The following FOXK1 variants were observed in gnomAD, a reference collection of about 807,000 sequenced individuals.
FOXK1 encodes forkhead box protein K1.
A neutral mutation model predicts 51.9 loss-of-function variants in FOXK1; 19 were observed. The ratio of observed to expected loss-of-function variants is 0.37; its 90% CI spans 0.26 to 0.54. The LOEUF (loss-of-function observed/expected upper bound fraction) is 0.54, where lower values mean the gene tolerates loss of function less well. FOXK1 is among the 20% of genes least tolerant of loss of function. FOXK1 has a pLI of 0.87. For missense variants in FOXK1, 870 were observed against 1,032.7 expected, an observed-to-expected ratio of 0.84 and a Z score of 2.16; for synonymous variants, 537 against 482.6, an observed-to-expected ratio of 1.11 and a Z score of -1.48.
intron 2 of FOXK1, among the ~76,000 whole-genome samples, chr7:4,746,661 C>T (rs1305907019): frequency 1.3e-5 from 2 of 152,318 alleles, no homozygotes; most frequent in East Asian, 3.9e-4. Flanking sequence ...GCACTCCAAC[C>T]TGGGCAACAG....
chr7:4,770,916 C>G lies in FOXK1; in HGVS notation c.*8452C>G, dbSNP rs1215943275. 1 of 139,718 alleles carries G rather than the reference C, an allele frequency of 7.2e-6. No individual in the cohort carries two copies. The highest frequency in any genetic ancestry group is 2.9e-5 in the African/African-American group (1 of 34,684). The allele number at this position is 139,718 out of a possible 1,614,324, so 8.7% of individuals were successfully genotyped here. ...GTGTGTGTGTGTATTTTTTTTTTTA[C>G]AGTGGCGCCTGTCTAAAGTATTTTT... On this transcript the variant is annotated 3_prime_UTR_variant, in exon 9 of 9. Coordinates refer to ENST00000328914, the MANE Select transcript of FOXK1 (RefSeq NM_001037165.2).
At chr7:4,704,448 C>T (rs770918240) in intron 1 of FOXK1, among the ~76,000 whole-genome samples, 27 of 108,358 alleles carry the variant, frequency 2.5e-4, no homozygotes, top group Non-Finnish European at 2.6e-4. Context: ...GAGACTCTGT[C>T]TCAAAAAAAA....
At chr7:4,752,560 G>A (rs960507968) in intron 2 of FOXK1, among the ~76,000 whole-genome samples, 3 of 152,230 alleles carry the variant, frequency 2.0e-5, no homozygotes, top group African/African-American at 4.8e-5. Context: ...GCCCCTCATT[G>A]GTCCTCAGGA....
chr7:4,715,076 C>T lies in FOXK1; in HGVS notation c.561-25762C>T, dbSNP rs980277892. Among the ~76,000 whole-genome samples, 1 of 152,022 alleles carries T rather than the reference C, an allele frequency of 6.6e-6. No homozygotes were observed. Among genetic ancestry groups the T allele is most frequent in the African/African-American group, 2.4e-5 (1 of 41,340 alleles). Reference sequence around the variant, plus strand: ...GTAGCTTTTCTGATCAGATGAGTTTCACGGCTTTAGTACAGAAAATATTCA... The same window carrying T: ...GTAGCTTTTCTGATCAGATGAGTTTTACGGCTTTAGTACAGAAAATATTCA... On this transcript the variant is annotated intron_variant, in intron 1 of 8. Transcript: ENST00000328914. The surrounding 1 kb of genome is among the most constrained non-coding windows in gnomAD (Gnocchi z 4.5).
Position 4,723,668 on chromosome 7 carries a change from A to G in FOXK1, c.561-17170A>G, listed in dbSNP as rs997148916. On this transcript the variant is annotated intron_variant, in intron 1 of 8. Coordinates refer to ENST00000328914, the MANE Select transcript of FOXK1 (RefSeq NM_001037165.2). This position sits in a 1 kb window ranked among gnomAD's most constrained non-coding sequence, Gnocchi z 4.7. Reference sequence around the variant, plus strand: ...TTTCCTTTCTCTCAAAACAGTTACTACCAATGTTTGTTTATTTGAGATAGG... The same window carrying G: ...TTTCCTTTCTCTCAAAACAGTTACTGCCAATGTTTGTTTATTTGAGATAGG... 2.0e-5 allele frequency among the ~76,000 whole-genome samples: 3 copies of G among 152,116 alleles called. No homozygotes were observed. Among genetic ancestry groups the G allele is most frequent in the East Asian group, 1.9e-4 (1 of 5,172 alleles).
chr7:4,749,218 G>A lies in FOXK1; in HGVS notation c.747-5241G>A, dbSNP rs1203056119. ...GCTGTTCTTACTGTCCTACAGAGAC[G>A]GCATCGTTACCTCCCTAGGGACGGG... On this transcript the variant is annotated intron_variant, in intron 2 of 8. Transcript: ENST00000328914. This position sits in a 1 kb window ranked among gnomAD's most constrained non-coding sequence, Gnocchi z 6.0. Among the ~76,000 whole-genome samples the A allele has an allele frequency of 2.1e-4, 32 of 152,134 alleles. No homozygotes were observed. Among genetic ancestry groups the A allele is most frequent in the East Asian group, 1.9e-4 (1 of 5,188 alleles).
intron 2 of FOXK1, among the ~76,000 whole-genome samples, chr7:4,750,330 T>G (rs1268394598): frequency 6.6e-6 from 1 of 152,118 alleles, no homozygotes; most frequent in Non-Finnish European, 1.5e-5. Flanking sequence ...ATTCCCTGTT[T>G]CCTGGAATTG....
chr7:4,737,336 A>G (rs1413451193), intron 1 of FOXK1, among the ~76,000 whole-genome samples: 1 of 152,236 alleles, frequency 6.6e-6, no homozygotes, highest in Non-Finnish European at 1.5e-5. Context: ...GGAACTGGAG[A>G]AAAGAGACAA....
intron 1 of FOXK1, among the ~76,000 whole-genome samples, chr7:4,705,950 A>G (rs1253629182): frequency 1.5e-5 from 2 of 129,608 alleles, no homozygotes; most frequent in Non-Finnish European, 3.1e-5. Context: ...TCAAAATTAT[A>G]TATATATATG....
At position 4,756,447 on chromosome 7, in the gene FOXK1, C is replaced by T. The variant is rs186300927; in HGVS notation, c.1051-547C>T. Among the ~76,000 whole-genome samples, 2 of 151,676 alleles carry T rather than the reference C, an allele frequency of 1.3e-5. No homozygotes were observed. Among genetic ancestry groups the T allele is most frequent in the East Asian group, 2.0e-4 (1 of 5,062 alleles). ...CAGTGTTTTCTTTCTCCCAGATGTG[C>T]TCCTAGACCAGGATCTGTCTTTCTG... is the stretch of plus-strand genomic sequence containing the variant. On this transcript the variant is annotated intron_variant, in intron 4 of 8. Coordinates refer to ENST00000328914, the MANE Select transcript of FOXK1 (RefSeq NM_001037165.2). This position sits in a 1 kb window ranked among gnomAD's most constrained non-coding sequence, Gnocchi z 4.1.
chr7:4,754,276 C>T (rs534269562), intron 2 of FOXK1, among the ~76,000 whole-genome samples, 183 bp from the exon 3 acceptor site: 12 of 152,348 alleles, frequency 7.9e-5, no homozygotes, highest in South Asian at 2.1e-4. Flanking sequence ...ACTTGCCTGC[C>T]GTTTCCAGCA....
Position 4,707,069 on chromosome 7 carries a change from C to T in FOXK1, c.560+24201C>T, listed in dbSNP as rs1780110964. On this transcript the variant is annotated intron_variant, in intron 1 of 8. Coordinates refer to ENST00000328914, the MANE Select transcript of FOXK1 (RefSeq NM_001037165.2). This position sits in a 1 kb window ranked among gnomAD's most constrained non-coding sequence, Gnocchi z 4.1. ...AAAGACTAAAAACTAACGGTTGCTT[C>T]CTGCCTTTGTCCGTAATGGCCACCT... Among the ~76,000 whole-genome samples the T allele has an allele frequency of 6.6e-6, 1 of 152,252 alleles. No homozygotes were observed.
chr7:4,720,447 C>T (rs1186799390), intron 1 of FOXK1, among the ~76,000 whole-genome samples: 1 of 152,132 alleles, frequency 6.6e-6, no homozygotes, highest in South Asian at 2.1e-4. Context: ...GCTTCAAGCT[C>T]GCTGATTTCT....
intron 1 of FOXK1, among the ~76,000 whole-genome samples, chr7:4,700,292 G>A (rs1409178830): frequency 6.6e-6 from 1 of 152,092 alleles, no homozygotes; most frequent in Non-Finnish European, 1.5e-5. Flanking sequence ...AATATTTGTG[G>A]GCAAAATGAA....
In FOXK1 at chr7:4,683,903, G is replaced by A. The variant is rs9791644; in HGVS notation, c.560+1035G>A. Among the ~76,000 whole-genome samples the A allele has an allele frequency of 0.13, 19,248 of 152,190 alleles. 1,370 individuals carry two copies. The highest frequency in any genetic ancestry group is 0.17 in the Non-Finnish European group (11,608 of 67,974). ...GGAGGGGCGAGGACAGGAAGCCTGT[G>A]CCTCAGTTTACATCCCCAACTAGTG... is the stretch of plus-strand genomic sequence containing the variant. On this transcript the variant is annotated intron_variant, in intron 1 of 8. Transcript: ENST00000328914. The surrounding 1 kb of genome is among the most constrained non-coding windows in gnomAD (Gnocchi z 4.5).
intron 1 of FOXK1, among the ~76,000 whole-genome samples, chr7:4,720,529 G>C (rs1780295092): frequency 1.3e-5 from 2 of 152,094 alleles, no homozygotes. Flanking sequence ...CTTTTTAGAT[G>C]TAAAATTTCC....
At chr7:4,686,285 G>T (rs1330801923) in intron 1 of FOXK1, among the ~76,000 whole-genome samples, 3 of 152,146 alleles carry the variant, frequency 2.0e-5, no homozygotes, top group South Asian at 2.1e-4. Context: ...AAGCTGTGTT[G>T]TCCGGGGCCA....
At chr7:4,746,526 A>AT (rs35151401) in intron 2 of FOXK1, among the ~76,000 whole-genome samples, 1,686 of 151,742 alleles carry the variant, frequency 0.011, 15 homozygotes, top group Non-Finnish European at 0.018. Context: ...AAAAAAAAAA[A>AT]TTTTTTTGCT....
rs943181598 is a variant in FOXK1 at position 4,734,706 on chromosome 7, TG to T, written c.561-6126del. 1.1e-4 allele frequency among the ~76,000 whole-genome samples: 17 copies of T among 152,128 alleles called. No homozygotes were observed. The highest frequency in any genetic ancestry group is 9.8e-4 in the Admixed American group (15 of 15,278). On this transcript the variant is annotated intron_variant, in intron 1 of 8. Transcript: ENST00000328914. This position sits in a 1 kb window ranked among gnomAD's most constrained non-coding sequence, Gnocchi z 5.2. Reference sequence around the variant, plus strand: ...ATAGCTGGGCTCAGCTCTGGAAGCTTGGGGGGCTGAGAGCCTCTGGTCCTCC... The same window carrying T: ...ATAGCTGGGCTCAGCTCTGGAAGCTTGGGGGCTGAGAGCCTCTGGTCCTCC...
Sources: allele counts gnomAD v4.1 joint callset (sites outside exome capture counted in the v4.1 genomes callset), GRCh38; gene constraint gnomAD v4.1.1; non-coding constraint Gnocchi (gnomAD v3.1); transcripts MANE v1.5; gene names NCBI Gene and HGNC (gene_info 2026-07-23, HGNC 2026-07-21).